DSCAM: variants seen among roughly 807,000 people sequenced by gnomAD.
The protein encoded by DSCAM is DS cell adhesion molecule, also known as cell adhesion molecule DSCAM.
Under a neutral mutation model 217.7 loss-of-function variants are expected in DSCAM, and 47 were observed. The observed-to-expected ratio is 0.22, with a 90% CI of 0.17 to 0.28. The LOEUF is 0.28. DSCAM is among the 10% of genes least tolerant of loss of function. The pLI is 1.00. For missense variants in DSCAM, 2,080 were observed against 2,618.3 expected, an observed-to-expected ratio of 0.79 and a Z score of 4.49; for synonymous variants, 1,056 against 1,015.3, an observed-to-expected ratio of 1.04 and a Z score of -0.76.
intron 3 of DSCAM, among the ~76,000 whole-genome samples, chr21:40,555,889 G>A (rs182730869): frequency 8.2e-4 from 124 of 151,988 alleles, no homozygotes; most frequent in Non-Finnish European, 1.3e-3. Flanking sequence ...CCCCTTCCTC[G>A]GCCTCCCAAA....
At chr21:40,053,084 C>T (rs1305246986) in intron 29 of DSCAM, among the ~76,000 whole-genome samples, 1 of 152,198 alleles carries the variant, frequency 6.6e-6, no homozygotes, top group East Asian at 1.9e-4. Context: ...GACACTGCAA[C>T]AGGGATGCGA....
chr21:40,240,554 T>C (rs2073139132), intron 11 of DSCAM, among the ~76,000 whole-genome samples: 2 of 152,134 alleles, frequency 1.3e-5, no homozygotes, highest in African/African-American at 4.8e-5. Context: ...AATTACCTTA[T>C]ATTTTCCAGC....
At chr21:40,520,584 A>C (rs891686433) in intron 3 of DSCAM, among the ~76,000 whole-genome samples, 1 of 152,126 alleles carries the variant, frequency 6.6e-6, no homozygotes, top group Non-Finnish European at 1.5e-5. Context: ...CGAGGCGGGC[A>C]GATCACGAGA....
intron 10 of DSCAM, among the ~76,000 whole-genome samples, chr21:40,294,999 G>A (rs914094477): frequency 2.6e-5 from 4 of 152,170 alleles, no homozygotes; most frequent in Non-Finnish European, 4.4e-5. Flanking sequence ...TCAAAAGAGA[G>A]ATGCCAGGAG....
At chr21:40,499,642 A>G (rs1416762005) in intron 3 of DSCAM, among the ~76,000 whole-genome samples, 1 of 152,244 alleles carries the variant, frequency 6.6e-6, no homozygotes, top group African/African-American at 2.4e-5. Context: ...TTTCCAAACC[A>G]TATCTAAGAC....
At chr21:40,814,420 A>T (rs2123558045) in intron 1 of DSCAM, among the ~76,000 whole-genome samples, 1 of 152,366 alleles carries the variant, frequency 6.6e-6, no homozygotes, top group South Asian at 2.1e-4. Context: ...TAGAGAAAGG[A>T]CCAAAGTGAG....
chr21:40,223,464 TA>T (rs1388303873), intron 11 of DSCAM, among the ~76,000 whole-genome samples: 3 of 152,100 alleles, frequency 2.0e-5, no homozygotes, highest in South Asian at 4.2e-4. Context: ...TAAACACAGG[TA>T]AAAAAAGCTC....
At chr21:40,316,538 C>G (rs1362883023) in intron 8 of DSCAM, among the ~76,000 whole-genome samples, 1 of 152,194 alleles carries the variant, frequency 6.6e-6, no homozygotes, top group Non-Finnish European at 1.5e-5. Flanking sequence ...TTGAGACACA[C>G]TGATTACCTG....
chr21:40,040,942 G>C (rs937448902), intron 32 of DSCAM, among the ~76,000 whole-genome samples: 1 of 150,786 alleles, frequency 6.6e-6, no homozygotes, highest in African/African-American at 2.4e-5. Context: ...AAAAAAAATA[G>C]TTGAAATAAA....
intron 3 of DSCAM, among the ~76,000 whole-genome samples, chr21:40,638,101 A>G (rs1290804391): frequency 1.3e-5 from 2 of 152,214 alleles, no homozygotes; most frequent in African/African-American, 4.8e-5. Context: ...TCTTAGGTGA[A>G]TCTCAGAGAT....
At chr21:40,039,579 G>C (rs1027182212) in intron 32 of DSCAM, among the ~76,000 whole-genome samples, 3 of 152,128 alleles carry the variant, frequency 2.0e-5, no homozygotes, top group Non-Finnish European at 4.4e-5. Flanking sequence ...TATGTATAGA[G>C]AGAGAGTTTT....
At chr21:40,354,985 T>C (rs1221257187) in intron 4 of DSCAM, among the ~76,000 whole-genome samples, 1 of 152,110 alleles carries the variant, frequency 6.6e-6, no homozygotes, top group Non-Finnish European at 1.5e-5. Context: ...TTCACAAATA[T>C]GTTTTGATCC....
chr21:40,434,539 A>G (rs566686538), intron 3 of DSCAM, among the ~76,000 whole-genome samples: 15 of 152,294 alleles, frequency 9.8e-5, no homozygotes, highest in African/African-American at 2.6e-4. Context: ...GGCTGGGGAC[A>G]CAGGCTGCAG....
intron 1 of DSCAM, among the ~76,000 whole-genome samples, chr21:40,750,346 G>A (rs190183537): frequency 6.6e-6 from 1 of 152,188 alleles, no homozygotes; most frequent in Non-Finnish European, 1.5e-5. Flanking sequence ...TGCTGTAGCA[G>A]TGATAATTGA....
At chr21:40,457,554 A>AAAC (rs1202675267) in intron 3 of DSCAM, among the ~76,000 whole-genome samples, 6 of 152,080 alleles carry the variant, frequency 3.9e-5, no homozygotes, top group African/African-American at 1.2e-4. Flanking sequence ...ACAAACAAAC[A>AAAC]AAAAAACCTG....
chr21:40,175,115 T>C (rs900356123), intron 15 of DSCAM, among the ~76,000 whole-genome samples: 1 of 152,200 alleles, frequency 6.6e-6, no homozygotes, highest in African/African-American at 2.4e-5. Flanking sequence ...TATTTATTTC[T>C]GTTTCTTTTT....
intron 3 of DSCAM, among the ~76,000 whole-genome samples, chr21:40,533,383 C>T (rs1441040668): frequency 6.6e-6 from 1 of 152,122 alleles, no homozygotes; most frequent in Non-Finnish European, 1.5e-5. Context: ...TGCACAAAAC[C>T]AACATATAAG....
chr21:40,231,542 G>T (rs1355826340), intron 11 of DSCAM, among the ~76,000 whole-genome samples: 1 of 150,710 alleles, frequency 6.6e-6, no homozygotes, highest in Non-Finnish European at 1.5e-5. Context: ...TTGCTTTGTT[G>T]CTCAGGCTGG....
intron 14 of DSCAM, among the ~76,000 whole-genome samples, chr21:40,180,605 A>C (rs948128344): frequency 6.6e-6 from 1 of 151,934 alleles, no homozygotes; most frequent in Non-Finnish European, 1.5e-5. Flanking sequence ...GATGTTTAGG[A>C]GGATGAGGAG....
Sources: gnomAD v4.1 joint callset for allele counts (sites outside exome capture counted in the v4.1 genomes callset) on GRCh38, gnomAD v4.1.1 for gene constraint, MANE v1.5 for transcripts, NCBI Gene and HGNC (gene_info 2026-07-23, HGNC 2026-07-21) for gene names.